The following FUT8 variants were observed in gnomAD, a reference collection of about 807,000 sequenced individuals.
The protein encoded by FUT8 is fucosyltransferase 8.
FUT8 carries 29 observed loss-of-function variants against 71.3 expected under a neutral mutation model. That is an observed-to-expected ratio of 0.41 (90% CI 0.30 to 0.55). FUT8 has a LOEUF of 0.55. FUT8 is among the 20% of genes least tolerant of loss of function. The pLI is 0.34. For synonymous variants in FUT8, 254 were observed against 239.3 expected (o/e 1.06, Z -0.57); for missense variants, 544 against 702.1 (o/e 0.77, Z 2.55).
intron 2 of FUT8, chr14:65,516,150 A>G (rs1882692096): frequency 6.6e-6 from 1 of 151,892 alleles, no homozygotes; most frequent in South Asian, 2.1e-4. Context: ...ATGGTACTCT[A>G]GCCTAGGCAA....
chr14:65,672,472 T>G (rs893619709), intron 7 of FUT8, among the ~76,000 whole-genome samples: 1 of 152,124 alleles, frequency 6.6e-6, no homozygotes, highest in Non-Finnish European at 1.5e-5. Context: ...TTTTGTTTTG[T>G]TTTTAGAGAC....
At chr14:65,460,410 A>G (rs2065953916) in intron 2 of FUT8, among the ~76,000 whole-genome samples, 1 of 152,198 alleles carries the variant, frequency 6.6e-6, no homozygotes, top group South Asian at 2.1e-4. Context: ...AGCTCCTTTT[A>G]AAGATTGGAG....
intron 3 of FUT8, among the ~76,000 whole-genome samples, chr14:65,604,298 A>G (rs991171168): frequency 6.6e-6 from 1 of 151,964 alleles, no homozygotes; most frequent in African/African-American, 2.4e-5. Context: ...CACAGAGTAT[A>G]CATTCTATTC....
At chr14:65,727,877 G>T (rs1324444542) in intron 9 of FUT8, among the ~76,000 whole-genome samples, 1 of 152,128 alleles carries the variant, frequency 6.6e-6, no homozygotes, top group African/African-American at 2.4e-5. Context: ...TTGCTGCTTA[G>T]AAATTTCTTC....
intron 7 of FUT8, among the ~76,000 whole-genome samples, chr14:65,698,282 C>T (rs960509543): frequency 3.3e-5 from 5 of 152,118 alleles, no homozygotes; most frequent in African/African-American, 1.2e-4. Flanking sequence ...TATCGAAATG[C>T]TCAAAGATCA....
rs548048039 is a variant in FUT8 at position 65,661,375 on chromosome 14, G to A, written c.598-7868G>A. 1.8e-4 allele frequency among the ~76,000 whole-genome samples: 28 copies of A among 152,278 alleles called. No homozygotes were observed. In the Middle Eastern group the frequency reaches 0.02, roughly 111 times the overall value. The stretch of plus-strand genomic sequence containing the variant: ...AATTTATTTTTATGACTATGGACTT[G>A]ACATCACCTTTGTCTCTGTAGATGT... On this transcript the variant is annotated intron_variant, in intron 6 of 10. Coordinates refer to ENST00000673929, the MANE Select transcript of FUT8 (RefSeq NM_001371533.1).
chr14:65,682,306 C>T (rs180822430), intron 7 of FUT8, among the ~76,000 whole-genome samples: 1 of 152,198 alleles, frequency 6.6e-6, no homozygotes, highest in Admixed American at 6.5e-5. Context: ...AGTTTGAGAC[C>T]AGCTCATCAA....
At chr14:65,383,357 C>T in the FUT8 span, among the ~76,000 whole-genome samples, 7 of 146,718 alleles carry the variant, frequency 4.8e-5, no homozygotes, top group Admixed American at 4.9e-4. Context: ...TCACCGCAAT[C>T]GCCGCCTCCG....
rs568842130 is a variant in FUT8, at chr14:65,492,862, A to G, written c.-228+37144A>G. 2.6e-5 allele frequency among the ~76,000 whole-genome samples: 4 copies of G among 152,244 alleles called. No individual in the cohort carries two copies. In the East Asian group the frequency reaches 7.7e-4, roughly 29 times the overall value. Reference sequence around the variant, plus strand: ...TGCTCTAAGTCCATGAGGCTTGTTTACCACAAGTGGCAAAGTAGGAATTTT... The same window carrying G: ...TGCTCTAAGTCCATGAGGCTTGTTTGCCACAAGTGGCAAAGTAGGAATTTT... On this transcript the variant is annotated intron_variant, in intron 2 of 10. Coordinates refer to ENST00000673929, the MANE Select transcript of FUT8 (RefSeq NM_001371533.1).
Position 65,607,552 on chromosome 14 carries a change from T to C in FUT8, c.204-8426T>C, listed in dbSNP as rs1235821591. 1.3e-5 allele frequency among the ~76,000 whole-genome samples: 2 copies of C among 151,930 alleles called. No homozygotes were observed. Among genetic ancestry groups the C allele is most frequent in the Non-Finnish European group, 2.9e-5 (2 of 67,932 alleles). On this transcript the variant is annotated intron_variant, in intron 3 of 10. Transcript: ENST00000673929. This position sits in a 1 kb window ranked among gnomAD's most constrained non-coding sequence, Gnocchi z 4.1. ...TCTTAGGATAAAGTTGAGATAGTCATGTATTTTTAAATATATTGCTGTATT... is the reference window on the plus strand; with the variant it reads ...TCTTAGGATAAAGTTGAGATAGTCACGTATTTTTAAATATATTGCTGTATT...
At chr14:65,382,536 C>T in the FUT8 span, among the ~76,000 whole-genome samples, 1 of 152,110 alleles carries the variant, frequency 6.6e-6, no homozygotes, top group Non-Finnish European at 1.5e-5. Context: ...GTTGGGATTT[C>T]ACCACCTTGG....
chr14:65,620,145 A>G (rs1402091424), intron 5 of FUT8, among the ~76,000 whole-genome samples: 1 of 146,416 alleles, frequency 6.8e-6, no homozygotes, highest in East Asian at 2.4e-4. Context: ...TAAAATTACC[A>G]TATTTTTTTT....
In FUT8 at chr14:65,479,171, G is replaced by A. The variant is rs562983083; in HGVS notation, c.-228+23453G>A. 5.9e-5 allele frequency among the ~76,000 whole-genome samples: 9 copies of A among 152,260 alleles called. 1 individual carries two copies. The highest frequency in any genetic ancestry group is 1.7e-4 in the African/African-American group (7 of 41,548). On this transcript the variant is annotated intron_variant, in intron 2 of 10. Coordinates refer to ENST00000673929, the MANE Select transcript of FUT8 (RefSeq NM_001371533.1). ...AAAAGTAGATTATCATAAGAATTCT[G>A]TGAGAAGCTTTGAAAAAACTACAGA...
intron 1 of FUT8, among the ~76,000 whole-genome samples, chr14:65,449,716 T>A (rs1439837052): frequency 1.3e-5 from 2 of 152,252 alleles, no homozygotes; most frequent in Admixed American, 6.5e-5. Context: ...TTCTTCATAG[T>A]GAGCAGCCTC....
intron 7 of FUT8, among the ~76,000 whole-genome samples, chr14:65,711,386 G>A (rs975150059): frequency 6.6e-6 from 1 of 152,084 alleles, no homozygotes; most frequent in Non-Finnish European, 1.5e-5. Flanking sequence ...AACCTTGCTA[G>A]GAAGAAGTTG....
chr14:65,460,784 T>G (rs1199596559), intron 2 of FUT8, among the ~76,000 whole-genome samples: 3 of 152,204 alleles, frequency 2.0e-5, no homozygotes, highest in Admixed American at 6.5e-5. Context: ...CTTTCAGTGG[T>G]GGCGATGAGG....
intron 3 of FUT8, among the ~76,000 whole-genome samples, chr14:65,598,868 G>A (rs1888144822): frequency 6.6e-6 from 1 of 152,124 alleles, no homozygotes. Context: ...TTGGCTCAGT[G>A]CAACCTCTGT....
chr14:65,479,948 A>T (rs1219889912), intron 2 of FUT8, among the ~76,000 whole-genome samples: 2 of 152,182 alleles, frequency 1.3e-5, no homozygotes, highest in Non-Finnish European at 2.9e-5. Context: ...AATTGGATTT[A>T]AAATTTTCTT....
intron 1 of FUT8, among the ~76,000 whole-genome samples, chr14:65,438,865 C>T (rs1177977882): frequency 2.0e-5 from 3 of 152,164 alleles, no homozygotes; most frequent in Non-Finnish European, 4.4e-5. Flanking sequence ...AGCTGCTATG[C>T]ATTGCTAGTT....
Sources: gnomAD v4.1 joint callset for allele counts (sites outside exome capture counted in the v4.1 genomes callset) on GRCh38, gnomAD v4.1.1 for gene constraint, Gnocchi (gnomAD v3.1) non-coding constraint, MANE v1.5 for transcripts, NCBI Gene and HGNC (gene_info 2026-07-23, HGNC 2026-07-21) for gene names.